PRR5L: variants seen among roughly 807,000 people sequenced by gnomAD.
PRR5L encodes the protein proline-rich protein 5-like.
A neutral mutation model predicts 36.4 loss-of-function variants in PRR5L; 21 were observed. That is an observed-to-expected ratio of 0.58 (90% CI 0.41 to 0.83). The LOEUF is 0.83. Ranked by LOEUF, PRR5L falls within the 40% of genes least tolerant of loss-of-function variation. The pLI is 0.00. For missense variants in PRR5L, 381 were observed against 473.3 expected (o/e 0.80, Z 1.81); for synonymous variants, 188 against 197.0 (o/e 0.95, Z 0.38).
At chr11:36,321,465 G>A (rs1459879850) in intron 1 of PRR5L, 1 of 152,192 alleles carries the variant, frequency 6.6e-6, no homozygotes, top group Non-Finnish European at 1.5e-5. Context: ...CCCAGGTTAG[G>A]TCATGAATCC....
chr11:36,438,789 G>T (rs1377446247), intron 6 of PRR5L, among the ~76,000 whole-genome samples: 1 of 151,898 alleles, frequency 6.6e-6, no homozygotes, highest in African/African-American at 2.4e-5. Context: ...AAAAAAACTA[G>T]CCAGGCATGG....
rs560264807 is a variant in PRR5L at position 36,380,505 on chromosome 11, T to C, written c.-125-20492T>C. ...AGTCTCCCTCTTTAAATATTCTTTTTTTATGCTTTGCCAGTTTATGGCCTT... is the reference window on the plus strand; with the variant it reads ...AGTCTCCCTCTTTAAATATTCTTTTCTTATGCTTTGCCAGTTTATGGCCTT... On this transcript the variant is annotated intron_variant, in intron 1 of 8. Coordinates refer to ENST00000530639, the MANE Select transcript of PRR5L (RefSeq NM_001160167.2). 7 of 152,322 alleles carry C rather than the reference T, an allele frequency of 4.6e-5. No individual in the cohort carries two copies. In the South Asian group the frequency reaches 1.4e-3, roughly 32 times the overall value. The allele number at this position is 152,322 out of a possible 1,614,324, so 9.4% of individuals were successfully genotyped here.
intron 6 of PRR5L, among the ~76,000 whole-genome samples, chr11:36,439,996 T>C (rs1858687134): frequency 1.3e-5 from 2 of 152,202 alleles, no homozygotes; most frequent in Admixed American, 1.3e-4. Flanking sequence ...CTCTGATTCA[T>C]TGTGGGCCTA....
At chr11:36,334,270 C>T (rs2133474764) in intron 1 of PRR5L, among the ~76,000 whole-genome samples, 1 of 152,314 alleles carries the variant, frequency 6.6e-6, no homozygotes. Flanking sequence ...TACTGAGGGA[C>T]AATTAGCAGG....
chr11:36,309,624 C>CATGATGGTGGTGGTGGTATTGGGG (rs1565377510), intron 1 of PRR5L, among the ~76,000 whole-genome samples: 9 of 80,312 alleles, frequency 1.1e-4, no homozygotes, highest in Admixed American at 2.6e-4. Context: ...TGGTAGTGAG[C>CATGATGGTGGTGGTGGTATTGGGG]ATGATGGTGG....
chr11:36,450,009 C>T (rs1378139861), intron 7 of PRR5L, among the ~76,000 whole-genome samples: 2 of 152,134 alleles, frequency 1.3e-5, no homozygotes, highest in Admixed American at 1.3e-4. Flanking sequence ...TCCAAATCTG[C>T]ACCATAGCCC....
intron 1 of PRR5L, among the ~76,000 whole-genome samples, chr11:36,324,023 A>G (rs1344382983): frequency 6.6e-6 from 1 of 152,228 alleles, no homozygotes; most frequent in Non-Finnish European, 1.5e-5. Flanking sequence ...AGTTATTATA[A>G]TTAACCATTT....
At chr11:36,418,067 G>A (rs1196187792) in intron 3 of PRR5L, among the ~76,000 whole-genome samples, 1 of 152,184 alleles carries the variant, frequency 6.6e-6, no homozygotes, top group Non-Finnish European at 1.5e-5. Flanking sequence ...TAGCACTTAA[G>A]ATTCGTTGAA....
chr11:36,458,742 T>A (rs545326288), intron 8 of PRR5L, among the ~76,000 whole-genome samples: 2 of 152,338 alleles, frequency 1.3e-5, no homozygotes, highest in South Asian at 2.1e-4. Context: ...TAAAGCAGCA[T>A]GAGCCACGTG....
intron 5 of PRR5L, 133 bp from the exon 6 acceptor site, chr11:36,437,252 A>G (rs1407854925): frequency 2.4e-5 from 18 of 764,114 alleles, no homozygotes; most frequent in Non-Finnish European, 4.3e-5. Flanking sequence ...CTGGGCTTTA[A>G]TAGCTCCTGG....
At chr11:36,364,748 C>A (rs796264706) in intron 1 of PRR5L, among the ~76,000 whole-genome samples, 18 of 152,296 alleles carry the variant, frequency 1.2e-4, no homozygotes, top group African/African-American at 4.3e-4. Context: ...TGTTAGTCAG[C>A]AGGAAGCTTG....
intron 1 of PRR5L, among the ~76,000 whole-genome samples, chr11:36,365,863 G>A (rs1457659352): frequency 6.6e-6 from 1 of 152,184 alleles, no homozygotes; most frequent in Admixed American, 6.5e-5. Flanking sequence ...AGTTCTTTGT[G>A]AAGGGCAGCC....
intron 1 of PRR5L, among the ~76,000 whole-genome samples, chr11:36,351,298 A>ATATATATTTATGTATATTTATAAATATT (rs1565407355): frequency 1.8e-4 from 1 of 5,410 alleles, no homozygotes; most frequent in Non-Finnish European, 3.5e-4. Flanking sequence ...TTATATATTT[A>ATATATATTTATGTATATTTATAAATATT]TATATATATT....
intron 1 of PRR5L, among the ~76,000 whole-genome samples, chr11:36,299,238 C>T (rs1486163360): frequency 6.6e-6 from 1 of 152,188 alleles, no homozygotes; most frequent in Non-Finnish European, 1.5e-5. Flanking sequence ...CTCTCCACTC[C>T]AGCTGATCAC....
intron 3 of PRR5L, among the ~76,000 whole-genome samples, chr11:36,403,706 G>A (rs544443024): frequency 6.6e-6 from 1 of 152,314 alleles, no homozygotes; most frequent in African/African-American, 2.4e-5. Context: ...AGGCAATTCA[G>A]CTTAGTTGTT....
intron 1 of PRR5L, among the ~76,000 whole-genome samples, chr11:36,301,755 G>A (rs1234865499): frequency 2.6e-5 from 4 of 152,216 alleles, no homozygotes; most frequent in South Asian, 2.1e-4. Flanking sequence ...GGAGCAGGAA[G>A]ACCCTAAGAG....
rs1014361355 is a variant in PRR5L at position 36,327,915 on chromosome 11, T to C, written c.-126+31477T>C. 5.3e-5 allele frequency among the ~76,000 whole-genome samples: 8 copies of C among 152,190 alleles called. No individual in the cohort carries two copies. The East Asian group carries it at 1.5e-3, about 29-fold the overall frequency. On this transcript the variant is annotated intron_variant, in intron 1 of 8. Transcript: ENST00000530639. The stretch of plus-strand genomic sequence containing the variant: ...CAATGTACACCTTACACTTACTGAT[T>C]GATGTCTGCCTGTAGCATTTTCCAA...
rs1465663276 is a variant in PRR5L, at chr11:36,464,388, A to ATGAT, written c.*1658_*1661dup. 1 of 152,220 alleles carries ATGAT rather than the reference A, an allele frequency of 6.6e-6. No homozygotes were observed. The highest frequency in any genetic ancestry group is 1.5e-5 in the Non-Finnish European group (1 of 68,028). The allele number at this position is 152,220 out of a possible 1,614,324, so 9.4% of individuals were successfully genotyped here. On this transcript the variant is annotated 3_prime_UTR_variant, in exon 9 of 9. Coordinates refer to ENST00000530639, the MANE Select transcript of PRR5L (RefSeq NM_001160167.2). ...TCCCTTCTGAGTGAAGATTTGAAAT[A>ATGAT]TGATTGATTAGAATTGTGCTCTTGA...
intron 1 of PRR5L, among the ~76,000 whole-genome samples, chr11:36,381,949 G>T (rs962675572): frequency 2.0e-5 from 3 of 152,100 alleles, no homozygotes; most frequent in Middle Eastern, 3.2e-3. Context: ...ATGAGGTCAG[G>T]AGATCGAGAC....
Sources: gnomAD v4.1 joint callset for allele counts (sites outside exome capture counted in the v4.1 genomes callset) on GRCh38, gnomAD v4.1.1 for gene constraint, MANE v1.5 for transcripts, NCBI Gene and HGNC (gene_info 2026-07-23, HGNC 2026-07-21) for gene names.